The following UTP20 variants were observed in gnomAD, a reference collection of about 807,000 sequenced individuals.
UTP20 encodes the protein small subunit processome component 20 homolog.
A neutral mutation model predicts 329.5 loss-of-function variants in UTP20; 164 were observed. The observed-to-expected ratio is 0.50, with a 90% CI of 0.44 to 0.57. The LOEUF (loss-of-function observed/expected upper bound fraction) is 0.57. Ranked by LOEUF, UTP20 falls within the 20% of genes least tolerant of loss-of-function variation. The pLI is 0.00. For missense variants in UTP20, 3,055 were observed against 3,284.2 expected, an observed-to-expected ratio of 0.93 and a Z score of 1.71; for synonymous variants, 1,151 against 1,159.3, an observed-to-expected ratio of 0.99 and a Z score of 0.14.
intron 2 of UTP20, among the ~76,000 whole-genome samples, chr12:101,282,559 T>G (rs1177994804): frequency 6.6e-6 from 1 of 152,108 alleles, no homozygotes; most frequent in Non-Finnish European, 1.5e-5. Context: ...GGACTTCATA[T>G]GTGAAGCTAA....
chr12:101,291,779 C>G lies in UTP20; in HGVS notation c.929C>G (p.Thr310Ser), dbSNP rs975985411. 1 of 1,604,426 alleles carries G rather than the reference C, an allele frequency of 6.2e-7. No homozygotes were observed. Residue 310 changes from threonine to serine, a missense_variant, in exon 9 of 62, where the codon ACT becomes AGT. By Grantham distance (58) the Thr-to-Ser change is moderately conservative (BLOSUM62 1). This residue lies in a region of UTP20 where 2,445 missense variants were observed against 2,575.5 expected (regional missense o/e 0.95). Transcript: ENST00000261637. ...LLDLHTKVTK[T>S]NCCESSEQIK... ...GATCTACACACAAAAGTAACAAAAACTAACTGTTGTGAAAGTTCTGAACAG... is the reference window on the plus strand; with the variant it reads ...GATCTACACACAAAAGTAACAAAAAGTAACTGTTGTGAAAGTTCTGAACAG...
intron 48 of UTP20, among the ~76,000 whole-genome samples, chr12:101,368,322 G>A (rs1343847940): frequency 2.6e-5 from 4 of 151,776 alleles, no homozygotes; most frequent in East Asian, 1.9e-4. Context: ...TAGTAGACAC[G>A]GGGTTTCATC....
chr12:101,335,056 T>C (rs1233526030), intron 29 of UTP20, among the ~76,000 whole-genome samples: 1 of 151,960 alleles, frequency 6.6e-6, no homozygotes, highest in African/African-American at 2.4e-5. Flanking sequence ...TGTATAAATA[T>C]GAAATGAAAT....
At chr12:101,337,304 C>T (rs1412058346) in intron 29 of UTP20, among the ~76,000 whole-genome samples, 1 of 152,140 alleles carries the variant, frequency 6.6e-6, no homozygotes, top group African/African-American at 2.4e-5. Context: ...AGAGCTCAAG[C>T]TCTTTTGTTT....
At chr12:101,333,194 G>A (rs1330830996) in intron 27 of UTP20, 107 bp from the exon 28 acceptor site, 5 of 1,074,618 alleles carry the variant, frequency 4.7e-6, no homozygotes, top group Non-Finnish European at 6.6e-6. Flanking sequence ...TTAGTAACAG[G>A]ATTTCCAGTT....
chr12:101,328,662 A>G (rs2137266197), intron 26 of UTP20, among the ~76,000 whole-genome samples: 1 of 152,296 alleles, frequency 6.6e-6, no homozygotes, highest in South Asian at 2.1e-4. Context: ...TGAGGTCAGT[A>G]GTTCGAGACC....
intron 12 of UTP20, 99 bp downstream of exon 12, chr12:101,295,757 A>G (rs1303882169): frequency 7.8e-7 from 1 of 1,277,540 alleles, no homozygotes; most frequent in Non-Finnish European, 1.0e-6. Flanking sequence ...ATGTAACAGG[A>G]AAGATGTCCA....
At chr12:101,293,699 A>G (rs184253199) in intron 11 of UTP20, among the ~76,000 whole-genome samples, 1 of 152,264 alleles carries the variant, frequency 6.6e-6, no homozygotes, top group African/African-American at 2.4e-5. Flanking sequence ...TCATGGAAAC[A>G]TATCTCTGTA....
Position 101,357,085 on chromosome 12 carries a change from A to T in UTP20, c.5691+3A>T, listed in dbSNP as rs758321396. 1 of 1,604,870 alleles carries T rather than the reference A, an allele frequency of 6.2e-7. No individual in the cohort carries two copies. The highest frequency in any genetic ancestry group is 1.3e-5 in the African/African-American group (1 of 74,702). Reference sequence around the variant, plus strand: ...CTACTCTTGTCCGTGGATACCAGGTAAATTGCATCTTGTGCTTTATATTCA... The same window carrying T: ...CTACTCTTGTCCGTGGATACCAGGTTAATTGCATCTTGTGCTTTATATTCA... On this transcript the variant is annotated splice_donor_region_variant and intron_variant, in intron 43 of 61. Coordinates refer to ENST00000261637, the MANE Select transcript of UTP20 (RefSeq NM_014503.3).
In UTP20 at chr12:101,363,680, T is replaced by G; in HGVS notation, c.5895T>G (p.Tyr1965Ter). 2 of 1,613,258 alleles carry G rather than the reference T, an allele frequency of 1.2e-6. No homozygotes were observed. Among genetic ancestry groups the G allele is most frequent in the Non-Finnish European group, 1.7e-6 (2 of 1,179,214 alleles). ...EARRSKSYDS[Y>*]EILGKFVGKD... ...GAAGAAGCAAAAGTTACGACTCTTA[T>G]GAAATCCTCGGCAAGTTTGTAGGAA... Residue 1965 changes from tyrosine to a stop codon, truncating the protein, a stop_gained, in exon 45 of 62, where the codon TAT (tyrosine) becomes TAG (stop). Coordinates refer to ENST00000261637, the MANE Select transcript of UTP20 (RefSeq NM_014503.3). LOFTEE classifies it high-confidence loss of function.
chr12:101,344,934 CTTTTTTTTTTTTTTTT>C (rs11417670), intron 36 of UTP20, among the ~76,000 whole-genome samples, 184 bp downstream of exon 36: 1 of 61,564 alleles, frequency 1.6e-5, no homozygotes, highest in African/African-American at 6.0e-5. Flanking sequence ...CTTTTTTTTG[CTTTTTTTTTTTTTTTT>C]TTTTTTTTTT....
chr12:101,307,070 C>T lies in UTP20; in HGVS notation c.1995+309C>T, dbSNP rs902113213. ...GCGGGCACCTGTAGTCCCAGCTACT[C>T]GGGAGGCTGAGGCAGGAGAATGGTG... is the stretch of plus-strand genomic sequence containing the variant. On this transcript the variant is annotated intron_variant, in intron 17 of 61. Coordinates refer to ENST00000261637, the MANE Select transcript of UTP20 (RefSeq NM_014503.3). Among the ~76,000 whole-genome samples the T allele has an allele frequency of 4.0e-5, 6 of 150,156 alleles. No homozygotes were observed. In the South Asian group the frequency reaches 6.3e-4, roughly 16 times the overall value.
At chr12:101,382,519 T>C (rs1870680838) in intron 58 of UTP20, among the ~76,000 whole-genome samples, 1 of 152,172 alleles carries the variant, frequency 6.6e-6, no homozygotes, top group Admixed American at 6.5e-5. Context: ...AGATCAAAGT[T>C]ACATGGAAAT....
At chr12:101,371,387 G>A (rs1197066098) in intron 51 of UTP20, among the ~76,000 whole-genome samples, 2 of 152,078 alleles carry the variant, frequency 1.3e-5, no homozygotes, top group Non-Finnish European at 2.9e-5. Flanking sequence ...AGCTTTCAAG[G>A]TGAGGGGGCA....
At chr12:101,310,577 CAAAAAAAAAAA>C (rs549641642) in intron 19 of UTP20, among the ~76,000 whole-genome samples, 1 of 44,384 alleles carries the variant, frequency 2.3e-5, no homozygotes, top group Non-Finnish European at 3.9e-5. Flanking sequence ...CTCTGTCTCC[CAAAAAAAAAAA>C]AAAAAAAAAA....
At position 101,366,579 on chromosome 12, in the gene UTP20, A is replaced by G. The variant is rs768812618; in HGVS notation, c.6147A>G (p.Pro2049=). 1.2e-6 allele frequency: 2 copies of G among 1,613,976 alleles called. No homozygotes were observed. Among genetic ancestry groups the G allele is most frequent in the East Asian group, 2.2e-5 (1 of 44,872 alleles). ...EKEKNPVAPA[P]DPRLPPQSCL... is the part of the protein sequence containing the mutation. ...ACAGAAATCCAGTAGCCCCAGCACC[A>G]GATCCACGTCTACCACCCCAGAGCT... The change falls in exon 47 of 62, where the codon CCA becomes CCG. Residue 2049 remains proline (P), a synonymous_variant. Transcript: ENST00000261637.
At chr12:101,365,708 A>C in intron 46 of UTP20, 83 bp downstream of exon 46, 1 of 1,199,038 alleles carries the variant, frequency 8.3e-7, no homozygotes, top group South Asian at 2.1e-5. Context: ...AATTTGCTTT[A>C]GTAAAAAATA....
chr12:101,308,734 G>GTTT (rs34029914), intron 18 of UTP20, among the ~76,000 whole-genome samples: 1 of 144,114 alleles, frequency 6.9e-6, no homozygotes, highest in Non-Finnish European at 1.5e-5. Flanking sequence ...AGCTCTCTAT[G>GTTT]TTTTTTTTTT....
chr12:101,319,771 T>A, intron 23 of UTP20, 136 bp downstream of exon 23: 1 of 657,758 alleles, frequency 1.5e-6, no homozygotes, highest in South Asian at 2.2e-5. Flanking sequence ...AGCCTTTTTT[T>A]TTTTAATTAA....
Sources: allele counts gnomAD v4.1 joint callset (sites outside exome capture counted in the v4.1 genomes callset), GRCh38; gene constraint gnomAD v4.1.1; regional missense constraint gnomAD v4.1.1; transcripts MANE v1.5; gene names NCBI Gene and HGNC (gene_info 2026-07-23, HGNC 2026-07-21).